XPNPEP3: variants seen among roughly 807,000 people sequenced by gnomAD.
XPNPEP3 encodes the protein X-prolyl aminopeptidase 3.
A neutral mutation model predicts 60.0 loss-of-function variants in XPNPEP3; 41 were observed. The observed-to-expected ratio is 0.68, with a 90% CI of 0.53 to 0.89. The LOEUF (loss-of-function observed/expected upper bound fraction) is 0.89. XPNPEP3 is among the 40% of genes least tolerant of loss of function. XPNPEP3 has a pLI of 0.00. For synonymous variants in XPNPEP3, 212 were observed against 223.2 expected, an observed-to-expected ratio of 0.95 and a Z score of 0.45; for missense variants, 598 against 638.9, an observed-to-expected ratio of 0.94 and a Z score of 0.69.
At chr22:40,916,390 A>G (rs1022406084) in intron 7 of XPNPEP3, among the ~76,000 whole-genome samples, 4 of 152,226 alleles carry the variant, frequency 2.6e-5, no homozygotes, top group Non-Finnish European at 5.9e-5. Context: ...GAAGATGTAG[A>G]CATAATGAGC....
At position 40,932,483 on chromosome 22, in the gene XPNPEP3, G is replaced by A. The variant is rs1225430228; in HGVS notation, c.*6048G>A. 1 of 152,126 alleles carries A rather than the reference G, an allele frequency of 6.6e-6. No individual in the cohort carries two copies. The highest frequency in any genetic ancestry group is 2.4e-5 in the African/African-American group (1 of 41,426). The allele number at this position is 152,126 out of a possible 1,614,324, so 9.4% of individuals were successfully genotyped here. On this transcript the variant is annotated 3_prime_UTR_variant, in exon 10 of 10. Coordinates refer to ENST00000357137, the MANE Select transcript of XPNPEP3 (RefSeq NM_022098.4). ...ATCATTAAACCTTAACAGTAGAGCA[G>A]AATTTCACTGTTACAAACCACATGG...
At chr22:40,904,286 C>G (rs2014419953) in intron 4 of XPNPEP3, among the ~76,000 whole-genome samples, 1 of 152,158 alleles carries the variant, frequency 6.6e-6, no homozygotes, top group East Asian at 1.9e-4. Flanking sequence ...AGGCACATTC[C>G]TTACAAAAAG....
chr22:40,878,591 CT>C (rs948480755), intron 2 of XPNPEP3, among the ~76,000 whole-genome samples: 198 of 143,494 alleles, frequency 1.4e-3, no homozygotes, highest in East Asian at 1.2e-3. Context: ...AAATTTCTTT[CT>C]TTTTTTTTTT....
At chr22:40,885,022 C>T (rs1343489028) in intron 3 of XPNPEP3, among the ~76,000 whole-genome samples, 3 of 149,068 alleles carry the variant, frequency 2.0e-5, no homozygotes, top group South Asian at 4.2e-4. Context: ...AGCAAGACTA[C>T]GTCTCAAAAA....
intron 6 of XPNPEP3, among the ~76,000 whole-genome samples, chr22:40,913,729 T>C (rs1185903408): frequency 1.3e-5 from 2 of 152,126 alleles, no homozygotes; most frequent in Non-Finnish European, 1.5e-5. Flanking sequence ...GCAGGGTGAA[T>C]TCATCTGAAA....
intron 6 of XPNPEP3, 83 bp from the exon 7 acceptor site, chr22:40,914,156 A>G (rs912899761): frequency 6.3e-5 from 80 of 1,265,360 alleles, no homozygotes; most frequent in Middle Eastern, 2.0e-4. Context: ...AAAAAAAAAA[A>G]AAAAGAAAGG....
intron 1 of XPNPEP3, chr22:40,862,209 C>G (rs1244166273): frequency 7.4e-7 from 1 of 1,345,264 alleles, no homozygotes; most frequent in Non-Finnish European, 9.6e-7. Context: ...ATTATGGTGT[C>G]ATTCTGGGGT....
chr22:40,896,648 C>T (rs2058109381), intron 4 of XPNPEP3, among the ~76,000 whole-genome samples: 1 of 151,782 alleles, frequency 6.6e-6, no homozygotes, highest in Non-Finnish European at 1.5e-5. Context: ...AAAAAATTTA[C>T]CATTTTAGCC....
At chr22:40,923,966 C>T (rs1011567745) in intron 8 of XPNPEP3, among the ~76,000 whole-genome samples, 8 of 152,046 alleles carry the variant, frequency 5.3e-5, no homozygotes, top group Admixed American at 1.3e-4. Context: ...GATGTGTGAA[C>T]GAACATTGGA....
At chr22:40,893,958 C>T (rs1005275625) in intron 4 of XPNPEP3, among the ~76,000 whole-genome samples, 3 of 152,202 alleles carry the variant, frequency 2.0e-5, no homozygotes, top group African/African-American at 7.2e-5. Flanking sequence ...TATGTCACTC[C>T]TGGAAGTGTG....
intron 2 of XPNPEP3, 134 bp from the exon 3 acceptor site, chr22:40,881,636 A>G: frequency 9.3e-7 from 1 of 1,074,726 alleles, no homozygotes; most frequent in Non-Finnish European, 1.4e-6. Context: ...TATCTCCTTA[A>G]TTCTCCATGT....
intron 2 of XPNPEP3, among the ~76,000 whole-genome samples, chr22:40,870,759 A>G (rs1601492029): frequency 6.6e-6 from 1 of 152,120 alleles, no homozygotes; most frequent in African/African-American, 2.4e-5. Flanking sequence ...TGGCTCATAC[A>G]TGTAATCCCA....
chr22:40,901,175 A>G (rs1343722754), intron 4 of XPNPEP3, among the ~76,000 whole-genome samples: 1 of 152,018 alleles, frequency 6.6e-6, no homozygotes, highest in Non-Finnish European at 1.5e-5. Context: ...AAACGGAATG[A>G]GAGAAAATAT....
intron 2 of XPNPEP3, among the ~76,000 whole-genome samples, chr22:40,872,342 A>G (rs1175607989): frequency 6.6e-6 from 1 of 152,096 alleles, no homozygotes; most frequent in Non-Finnish European, 1.5e-5. Flanking sequence ...ATCGGTAGAG[A>G]TGGAAAATGT....
intron 1 of XPNPEP3, among the ~76,000 whole-genome samples, chr22:40,867,268 A>G (rs2057983208): frequency 6.6e-6 from 1 of 152,224 alleles, no homozygotes; most frequent in African/African-American, 2.4e-5. Context: ...CTGAGATTCA[A>G]ACTCAGGTTT....
chr22:40,911,001 C>T (rs1260535690), intron 6 of XPNPEP3, among the ~76,000 whole-genome samples: 3 of 152,006 alleles, frequency 2.0e-5, no homozygotes, highest in Admixed American at 6.6e-5. Context: ...AGCGAGACTC[C>T]GTCTCAAAAA....
Position 40,902,733 on chromosome 22 carries a change from G to A in XPNPEP3, c.793-4854G>A, listed in dbSNP as rs138359757. 2.0e-3 allele frequency among the ~76,000 whole-genome samples: 311 copies of A among 152,314 alleles called. 5 individuals carry two copies. In the East Asian group the frequency reaches 0.054, roughly 27 times the overall value. ...TAAATAGAGTTCAATTGTTAAAGAA[G>A]ACCTAGAGATAGTGCTTGCAAATAC... On this transcript the variant is annotated intron_variant, in intron 4 of 9. Transcript: ENST00000357137.
rs139881907 is a variant in XPNPEP3 at position 40,924,501 on chromosome 22, A to G, written c.1357+19A>G. On this transcript the variant is annotated intron_variant, in intron 9 of 9. Transcript: ENST00000357137. ...GAGCCCGGTAAGGAGAGGTGTTACA[A>G]TAGTAGTATGAGGTAAATGTTTGTT... The G allele has an allele frequency of 2.5e-4, 400 of 1,613,854 alleles. 5 individuals are homozygous for G. In the East Asian group the frequency reaches 7.9e-3, roughly 32 times the overall value.
chr22:40,891,287 G>A (rs778903900), intron 4 of XPNPEP3, among the ~76,000 whole-genome samples: 4 of 151,570 alleles, frequency 2.6e-5, no homozygotes, highest in Non-Finnish European at 5.9e-5. Context: ...TTGAGCCCAG[G>A]AAGTCAAGGC....
Sources: gnomAD v4.1 joint callset for allele counts (sites outside exome capture counted in the v4.1 genomes callset) on GRCh38, gnomAD v4.1.1 for gene constraint, MANE v1.5 for transcripts, NCBI Gene and HGNC (gene_info 2026-07-23, HGNC 2026-07-21) for gene names.